NPIPB2: variants seen among roughly 807,000 people sequenced by gnomAD.
NPIPB2 encodes nuclear pore complex-interacting protein family member B2.
A neutral mutation model predicts 30.8 loss-of-function variants in NPIPB2; 27 were observed. That is an observed-to-expected ratio of 0.88 (90% CI 0.65 to 1.21). The LOEUF (loss-of-function observed/expected upper bound fraction) is 1.21, where lower values mean the gene tolerates loss of function less well. Among genes scored for constraint, NPIPB2 ranks in the 50% most tolerant of loss-of-function variants. NPIPB2 has a pLI of 0.00. For missense variants in NPIPB2, 440 were observed against 446.2 expected (o/e 0.99, Z 0.13); for synonymous variants, 147 against 162.0 (o/e 0.91, Z 0.70).
At chr16:11,973,752 T>C (rs1392461852) in intron 1 of NPIPB2, among the ~76,000 whole-genome samples, 2 of 152,052 alleles carry the variant, frequency 1.3e-5, no homozygotes, top group East Asian at 3.9e-4. Context: ...TCTGCTTGCC[T>C]CCCAAAGTGC....
At position 11,970,114 on chromosome 16, in the gene NPIPB2, C is replaced by G. The variant is rs1037889443; in HGVS notation, c.-584+6454G>C. 5.3e-5 allele frequency among the ~76,000 whole-genome samples: 8 copies of G among 152,070 alleles called. No homozygotes were observed. The East Asian group carries it at 1.2e-3, about 22-fold the overall frequency. ...CTGTAATCCCAGCACTTTGGGAGGC[C>G]GAGACAGGCAGATCACCTGAGGTCA... On this transcript the variant is annotated intron_variant, in intron 1 of 5. Coordinates refer to the NPIPB2 transcript ENST00000538896.
rs1471995566 is a variant in NPIPB2, at chr16:11,947,295, A to ATTTT, written c.-583-5185_-583-5182dup. On this transcript the variant is annotated intron_variant, in intron 1 of 5. Transcript: ENST00000538896. ...TGTGTGTACATAGGTACATACACAT[A>ATTTT]TTTTATTTATTTATTTATTTATTTA... is the stretch of plus-strand genomic sequence containing the variant. 4.6e-5 allele frequency among the ~76,000 whole-genome samples: 4 copies of ATTTT among 87,088 alleles called. No individual in the cohort carries two copies. The South Asian group carries it at 1.4e-3, about 30-fold the overall frequency. The allele number at this position is 87,088 out of a possible 152,430, so 57.1% of individuals were successfully genotyped here.
At chr16:11,965,062 G>A in intron 1 of NPIPB2, 4 of 464,728 alleles carry the variant, frequency 8.6e-6, no homozygotes, top group Non-Finnish European at 1.5e-5. Context: ...TTCTGTTTCA[G>A]ATGTGATATG....
At chr16:11,969,288 C>T (rs1031240764) in intron 1 of NPIPB2, among the ~76,000 whole-genome samples, 5 of 152,014 alleles carry the variant, frequency 3.3e-5, no homozygotes, top group Non-Finnish European at 7.4e-5. Flanking sequence ...GAGACAGTCT[C>T]GCTCTGTCGT....
chr16:11,944,833 G>A (rs1020718039), upstream of NPIPB2, among the ~76,000 whole-genome samples: 7 of 150,816 alleles, frequency 4.6e-5, no homozygotes, highest in Admixed American at 3.3e-4. Flanking sequence ...GTTACCTGCT[G>A]AAGCCCTCTC....
chr16:11,968,139 G>A (rs760204946), intron 1 of NPIPB2: 27 of 308,048 alleles, frequency 8.8e-5, no homozygotes, highest in Middle Eastern at 9.6e-4. Flanking sequence ...GAGGGTGGGA[G>A]AGAAAGGTGG....
intron 1 of NPIPB2, among the ~76,000 whole-genome samples, chr16:11,949,046 G>A (rs558171819): frequency 1.3e-5 from 2 of 151,858 alleles, no homozygotes; most frequent in Non-Finnish European, 2.9e-5. Context: ...TAAGGGAGGC[G>A]GCTGAGATGG....
At chr16:11,959,674 A>C (rs1392608873) in intron 1 of NPIPB2, among the ~76,000 whole-genome samples, 2 of 152,070 alleles carry the variant, frequency 1.3e-5, no homozygotes. Context: ...CTTTCTTTAG[A>C]TTTTGTCTAT....
chr16:11,967,942 G>A, intron 1 of NPIPB2: 1 of 1,386,510 alleles, frequency 7.2e-7, no homozygotes, highest in Non-Finnish European at 9.7e-7. Flanking sequence ...TTTTTCAGTT[G>A]CCGATACAGC....
chr16:11,966,754 G>C (rs1470087615), intron 1 of NPIPB2, among the ~76,000 whole-genome samples: 7 of 152,166 alleles, frequency 4.6e-5, no homozygotes. Flanking sequence ...TTCTTTGCTT[G>C]AGTGAACATT....
intron 1 of NPIPB2, among the ~76,000 whole-genome samples, chr16:11,952,559 CTT>C (rs2055076930): frequency 9.0e-6 from 1 of 111,012 alleles, no homozygotes; most frequent in African/African-American, 3.5e-5. Context: ...GGCCATCTTT[CTT>C]TCTCTTTTTT....
At chr16:11,975,357 C>T (rs2055275738) in intron 1 of NPIPB2, among the ~76,000 whole-genome samples, 2 of 148,824 alleles carry the variant, frequency 1.3e-5, no homozygotes, top group African/African-American at 2.5e-5. Flanking sequence ...CCGTTTTAGC[C>T]GGGATGGTCT....
upstream of NPIPB2, chr16:11,942,163 T>C: frequency 2.0e-6 from 3 of 1,472,614 alleles, no homozygotes; most frequent in South Asian, 2.6e-5. Context: ...GCATGCATGG[T>C]ACATTTACAA....
intron 1 of NPIPB2, among the ~76,000 whole-genome samples, chr16:11,951,863 T>C (rs1412446671): frequency 2.1e-5 from 3 of 140,002 alleles, no homozygotes; most frequent in African/African-American, 8.1e-5. Context: ...CCGTCTCTAC[T>C]AAAAAATACA....
intron 1 of NPIPB2, among the ~76,000 whole-genome samples, chr16:11,975,447 A>G (rs913150333): frequency 6.6e-6 from 1 of 151,398 alleles, no homozygotes; most frequent in Non-Finnish European, 1.5e-5. Flanking sequence ...GCGCCCGGCC[A>G]ATCCATCACC....
At chr16:11,975,148 T>TTTTTTTTC (rs1445579676) in intron 1 of NPIPB2, among the ~76,000 whole-genome samples, 7 of 62,158 alleles carry the variant, frequency 1.1e-4, no homozygotes, top group East Asian at 1.0e-3. Flanking sequence ...CACCTTTTTT[T>TTTTTTTTC]TTTTTTTTTT....
intron 1 of NPIPB2, chr16:11,966,229 T>A: frequency 6.2e-7 from 1 of 1,613,712 alleles, no homozygotes. Flanking sequence ...CGAATGCGAT[T>A]CTCTGGACCT....
chr16:11,963,252 C>G (rs2055167281), intron 1 of NPIPB2, among the ~76,000 whole-genome samples: 1 of 151,896 alleles, frequency 6.6e-6, no homozygotes, highest in African/African-American at 2.4e-5. Flanking sequence ...TGGTGGCATG[C>G]ACCTGTCATC....
At chr16:11,973,176 A>G (rs1193624443) in intron 1 of NPIPB2, among the ~76,000 whole-genome samples, 1 of 151,792 alleles carries the variant, frequency 6.6e-6, no homozygotes, top group Admixed American at 6.6e-5. Flanking sequence ...AAAAAAAAAA[A>G]AAAAAAAAGA....
Sources: allele counts gnomAD v4.1 joint callset (sites outside exome capture counted in the v4.1 genomes callset), GRCh38; gene constraint gnomAD v4.1.1; transcripts MANE v1.5; gene names NCBI Gene and HGNC (gene_info 2026-07-23, HGNC 2026-07-21).